TMEM232: variants seen among roughly 807,000 people sequenced by gnomAD.
TMEM232 encodes transmembrane protein 232.
In TMEM232, 80 loss-of-function variants were observed where a neutral mutation model predicts 78.8. That is an observed-to-expected ratio of 1.01 (90% confidence interval 0.85 to 1.22). The LOEUF (loss-of-function observed/expected upper bound fraction) is 1.22. Among genes scored for constraint, TMEM232 ranks in the 50% most tolerant of loss-of-function variants. The pLI is 0.00. For missense variants in TMEM232, 881 were observed against 742.2 expected, an observed-to-expected ratio of 1.19 and a Z score of -2.17; for synonymous variants, 297 against 254.3, an observed-to-expected ratio of 1.17 and a Z score of -1.60.
intron 2 of TMEM232, among the ~76,000 whole-genome samples, chr5:110,648,764 C>A (rs1787876167): frequency 6.6e-6 from 1 of 152,070 alleles, no homozygotes; most frequent in South Asian, 2.1e-4. Flanking sequence ...TTAGGAGAAT[C>A]TTTGGGCTCT....
intron 12 of TMEM232, among the ~76,000 whole-genome samples, chr5:110,492,225 A>G (rs1444991813): frequency 1.3e-5 from 2 of 151,864 alleles, no homozygotes; most frequent in Admixed American, 6.6e-5. Context: ...TAAAAAAAGA[A>G]TATCTTAGAT....
In TMEM232 at chr5:110,659,832, A is replaced by G. The variant is rs535043519; in HGVS notation, c.125+7396T>C. ...AATGGGAAAATTAGTCACATCAAAG[A>G]CAAATCACAGATCAGAATAAAATGT... On this transcript the variant is annotated intron_variant, in intron 2 of 13. Transcript: ENST00000455884. Among the ~76,000 whole-genome samples the G allele has an allele frequency of 3.3e-5, 5 of 152,166 alleles. No individual in the cohort carries two copies. The South Asian group carries it at 8.3e-4, about 25-fold the overall frequency.
At chr5:110,539,511 C>T (rs1377136234) in intron 11 of TMEM232, among the ~76,000 whole-genome samples, 1 of 152,206 alleles carries the variant, frequency 6.6e-6, no homozygotes, top group Non-Finnish European at 1.5e-5. Flanking sequence ...CTTTCTTCTC[C>T]ATTCCCTCTG....
At chr5:110,391,818 C>A (rs567373442) in intron 3 of TMEM232, among the ~76,000 whole-genome samples, 2 of 152,216 alleles carry the variant, frequency 1.3e-5, no homozygotes, top group East Asian at 3.9e-4. Context: ...CTTGTAAAAA[C>A]AGAAGAATGA....
At chr5:110,439,794 G>C (rs311726) in intron 12 of TMEM232, among the ~76,000 whole-genome samples, 45,389 of 151,862 alleles carry the variant, frequency 0.3, 11,781 homozygotes, top group African/African-American at 0.7. Flanking sequence ...AGCAATTCCT[G>C]CCCCATTCGC....
chr5:110,511,359 G>A (rs1767712507), intron 12 of TMEM232, among the ~76,000 whole-genome samples: 1 of 151,566 alleles, frequency 6.6e-6, no homozygotes, highest in Non-Finnish European at 1.5e-5. Flanking sequence ...GGGTTGATGG[G>A]TACAGCAAAC....
chr5:110,705,735 C>CAT (rs57147770), intron 1 of TMEM232, among the ~76,000 whole-genome samples: 122,581 of 142,872 alleles, frequency 0.86, 52,803 homozygotes, highest in East Asian at 0.94. Context: ...CACACACACA[C>CAT]ATATGTGTGT....
At chr5:110,548,482 T>TC (rs1774059691) in intron 11 of TMEM232, among the ~76,000 whole-genome samples, 2 of 151,290 alleles carry the variant, frequency 1.3e-5, no homozygotes, top group African/African-American at 4.8e-5. Flanking sequence ...TTTTGTAAAA[T>TC]CAGAGGTAAC....
intron 2 of TMEM232, among the ~76,000 whole-genome samples, chr5:110,643,221 ATG>A (rs1353408390): frequency 6.6e-6 from 1 of 152,064 alleles, no homozygotes; most frequent in Non-Finnish European, 1.5e-5. Context: ...AGAGAAGCGG[ATG>A]TGGGGTGAAG....
intron 13 of TMEM232, among the ~76,000 whole-genome samples, chr5:110,422,519 CAAAAAA>C (rs34448955): frequency 8.7e-4 from 30 of 34,550 alleles, no homozygotes; most frequent in South Asian, 3.2e-3. Context: ...GACTCTGTCT[CAAAAAA>C]AAAAAAAAAA....
intron 5 of TMEM232, among the ~76,000 whole-genome samples, chr5:110,637,126 A>G (rs1785955227): frequency 6.7e-6 from 1 of 149,778 alleles, no homozygotes; most frequent in African/African-American, 2.4e-5. Context: ...ATTTTTATAT[A>G]TTTTATTTTT....
intron 12 of TMEM232, among the ~76,000 whole-genome samples, chr5:110,469,715 T>A (rs1049451432): frequency 2.6e-5 from 4 of 152,116 alleles, no homozygotes; most frequent in African/African-American, 4.8e-5. Flanking sequence ...GTCAATCCCC[T>A]CAGCCTGAGC....
chr5:110,397,410 G>A (rs919845148), intron 3 of TMEM232, among the ~76,000 whole-genome samples: 2 of 152,168 alleles, frequency 1.3e-5, no homozygotes, highest in Non-Finnish European at 2.9e-5. Context: ...TATGTAGGGA[G>A]CAAAGAGAAA....
intron 12 of TMEM232, among the ~76,000 whole-genome samples, chr5:110,490,107 G>T (rs757222529): frequency 7.0e-6 from 1 of 143,390 alleles, no homozygotes; most frequent in African/African-American, 2.5e-5. Flanking sequence ...CTGACTGAGT[G>T]AAACTCCGTT....
intron 1 of TMEM232, among the ~76,000 whole-genome samples, chr5:110,690,959 C>T (rs748561918): frequency 1.4e-4 from 21 of 151,540 alleles, no homozygotes; most frequent in Admixed American, 7.9e-4. Context: ...GAACGTCAAA[C>T]ACTAGGGACT....
chr5:110,431,387 A>AAATT (rs147785262), intron 12 of TMEM232, among the ~76,000 whole-genome samples: 3 of 151,448 alleles, frequency 2.0e-5, no homozygotes, highest in African/African-American at 7.3e-5. Context: ...TTTAACTTAA[A>AAATT]AGTTAGATAA....
chr5:110,605,416 A>C (rs776875054), intron 9 of TMEM232, 58 bp from the exon 10 acceptor site: 2 of 1,470,042 alleles, frequency 1.4e-6, no homozygotes, highest in Admixed American at 2.5e-5. Flanking sequence ...ATCAATAACT[A>C]CACAGTGTAC....
At chr5:110,628,954 A>C (rs1431343330) in intron 5 of TMEM232, 1 of 152,078 alleles carries the variant, frequency 6.6e-6, no homozygotes, top group Non-Finnish European at 1.5e-5. Flanking sequence ...AATTTTGAGA[A>C]TGCATCATTA....
intron 5 of TMEM232, among the ~76,000 whole-genome samples, chr5:110,632,077 T>C (rs1580433629): frequency 6.6e-6 from 1 of 152,022 alleles, no homozygotes; most frequent in East Asian, 1.9e-4. Context: ...AAGCAAAACT[T>C]CACCGTAGCC....
Sources: gnomAD v4.1 joint callset for allele counts (sites outside exome capture counted in the v4.1 genomes callset) on GRCh38, gnomAD v4.1.1 for gene constraint, MANE v1.5 for transcripts, NCBI Gene and HGNC (gene_info 2026-07-23, HGNC 2026-07-21) for gene names.